The following SLIT3 variants were observed in gnomAD, a reference collection of about 807,000 sequenced individuals.
SLIT3 encodes slit guidance ligand 3, also known as slit homolog 3 protein.
Under a neutral mutation model 184.0 loss-of-function variants are expected in SLIT3, and 68 were observed. The ratio of observed to expected loss-of-function variants is 0.37; its 90% CI spans 0.30 to 0.45. The LOEUF (loss-of-function observed/expected upper bound fraction) is 0.45, where lower values mean the gene tolerates loss of function less well. Among genes scored for constraint, SLIT3 ranks in the 20% least tolerant of loss-of-function variants. The probability of loss-of-function intolerance (pLI) is 1.00; values close to 1 mark genes in which losing one functional copy is unlikely to be tolerated. For missense variants in SLIT3, 1,707 were observed against 2,026.0 expected (o/e 0.84, Z 3.02); for synonymous variants, 831 against 828.6 (o/e 1.00, Z -0.05).
At chr5:169,157,962 TA>T (rs35904066) in intron 4 of SLIT3, among the ~76,000 whole-genome samples, 9,786 of 142,954 alleles carry the variant, frequency 0.068, 457 homozygotes, top group African/African-American at 0.13. Flanking sequence ...AAAACAGAAT[TA>T]AAAAAAAAAA....
At chr5:169,063,569 A>G (rs1758247814) in intron 4 of SLIT3, among the ~76,000 whole-genome samples, 1 of 152,176 alleles carries the variant, frequency 6.6e-6, no homozygotes, top group African/African-American at 2.4e-5. Flanking sequence ...TTGCTCCACA[A>G]TCTATTCCAC....
chr5:169,055,942 A>C (rs1038524078), intron 4 of SLIT3, among the ~76,000 whole-genome samples: 4 of 152,240 alleles, frequency 2.6e-5, no homozygotes, highest in Non-Finnish European at 5.9e-5. Context: ...TTTATTCTAC[A>C]TACAATGGTA....
At chr5:168,742,194 T>C (rs1034123124) in intron 20 of SLIT3, among the ~76,000 whole-genome samples, 3 of 138,958 alleles carry the variant, frequency 2.2e-5, no homozygotes, top group Non-Finnish European at 4.6e-5. Context: ...GAAGAGATGC[T>C]GCTGAGTAGC....
At chr5:168,838,312 G>C (rs750505046) in intron 6 of SLIT3, among the ~76,000 whole-genome samples, 10 of 152,114 alleles carry the variant, frequency 6.6e-5, no homozygotes, top group Admixed American at 2.0e-4. Context: ...GTGAAATGCA[G>C]TTCCTAGGAT....
At chr5:168,759,321 T>G (rs545628796) in intron 16 of SLIT3, among the ~76,000 whole-genome samples, 1 of 152,326 alleles carries the variant, frequency 6.6e-6, no homozygotes, top group Non-Finnish European at 1.5e-5. Context: ...CCTTGTTATA[T>G]GTATGCTTCT....
At chr5:169,195,709 T>A (rs1763720172) in intron 3 of SLIT3, among the ~76,000 whole-genome samples, 1 of 152,120 alleles carries the variant, frequency 6.6e-6, no homozygotes, top group African/African-American at 2.4e-5. Flanking sequence ...GTATTTTTAG[T>A]AGAGACGGTT....
At chr5:168,856,364 C>T (rs147308103) in intron 5 of SLIT3, among the ~76,000 whole-genome samples, 11 of 152,186 alleles carry the variant, frequency 7.2e-5, no homozygotes, top group Admixed American at 2.0e-4. Flanking sequence ...AGATCTTACA[C>T]GATGAGATAG....
intron 4 of SLIT3, among the ~76,000 whole-genome samples, chr5:168,978,075 T>G (rs1254270555): frequency 6.6e-6 from 1 of 152,146 alleles, no homozygotes; most frequent in Non-Finnish European, 1.5e-5. Context: ...AGACACCTCA[T>G]CTGACAATCC....
At chr5:168,842,052 G>T (rs1198881533) in intron 6 of SLIT3, among the ~76,000 whole-genome samples, 1 of 152,092 alleles carries the variant, frequency 6.6e-6, no homozygotes, top group Non-Finnish European at 1.5e-5. Context: ...TCTTTATGGA[G>T]CCTAAATTGT....
At chr5:168,688,907 A>ACTT (rs1271899778) in intron 29 of SLIT3, among the ~76,000 whole-genome samples, 4 of 152,208 alleles carry the variant, frequency 2.6e-5, no homozygotes, top group Non-Finnish European at 5.9e-5. Flanking sequence ...GCTGGCCAAT[A>ACTT]CTTACAAGAT....
chr5:169,054,682 C>T (rs1177120788), intron 4 of SLIT3, among the ~76,000 whole-genome samples: 1 of 152,226 alleles, frequency 6.6e-6, no homozygotes, highest in Admixed American at 6.5e-5. Context: ...ACCCGTCTGC[C>T]TCTCCTACAG....
intron 4 of SLIT3, among the ~76,000 whole-genome samples, chr5:168,999,923 G>T (rs1022325433): frequency 6.6e-6 from 1 of 152,184 alleles, no homozygotes; most frequent in Non-Finnish European, 1.5e-5. Context: ...TCATGGCTTG[G>T]AGTAGGGAGA....
At position 168,785,137 on chromosome 5, in the gene SLIT3, G is replaced by GCACA. The variant is rs34278304; in HGVS notation, c.1151+766_1151+769dup. ...TGACAGAGCAAATGTGCACATGCAT[G>GCACA]CACACACACACACACACACTCCCAC... On this transcript the variant is annotated intron_variant, in intron 12 of 35. Coordinates refer to ENST00000519560, the MANE Select transcript of SLIT3 (RefSeq NM_003062.4). Among the ~76,000 whole-genome samples the GCACA allele has an allele frequency of 4.6e-3, 643 of 140,846 alleles. 4 individuals are homozygous for GCACA. The highest frequency in any genetic ancestry group is 0.016 in the African/African-American group (614 of 37,686). The allele number at this position is 140,846 out of a possible 152,430, so 92.4% of individuals were successfully genotyped here.
intron 28 of SLIT3, among the ~76,000 whole-genome samples, chr5:168,694,198 C>T (rs918826442): frequency 9.9e-5 from 15 of 152,156 alleles, no homozygotes; most frequent in African/African-American, 3.6e-4. Context: ...AATGCCTCCT[C>T]AGTACCCTCC....
intron 4 of SLIT3, among the ~76,000 whole-genome samples, chr5:169,071,594 C>T (rs1758551219): frequency 6.6e-6 from 1 of 152,196 alleles, no homozygotes; most frequent in Non-Finnish European, 1.5e-5. Context: ...TGAAGCTGTG[C>T]TCCATATTTC....
At chr5:169,081,458 C>T (rs1561650906) in intron 4 of SLIT3, among the ~76,000 whole-genome samples, 2 of 152,184 alleles carry the variant, frequency 1.3e-5, no homozygotes, top group South Asian at 4.1e-4. Context: ...AAACTCCTGG[C>T]CATTTTGCTG....
At chr5:168,691,199 C>A (rs1405686674) in intron 29 of SLIT3, among the ~76,000 whole-genome samples, 2 of 152,214 alleles carry the variant, frequency 1.3e-5, no homozygotes, top group Non-Finnish European at 2.9e-5. Flanking sequence ...CCCCACTATA[C>A]TCCACACAAT....
intron 16 of SLIT3, among the ~76,000 whole-genome samples, chr5:168,758,273 T>C (rs904870124): frequency 6.6e-6 from 1 of 152,228 alleles, no homozygotes; most frequent in Non-Finnish European, 1.5e-5. Flanking sequence ...ACACTCATGT[T>C]CCTATCAAAA....
At chr5:168,890,125 C>T (rs889825234) in intron 4 of SLIT3, among the ~76,000 whole-genome samples, 16 of 128,454 alleles carry the variant, frequency 1.2e-4, no homozygotes, top group African/African-American at 6.2e-5. Context: ...GGGTGACAAG[C>T]GAGACTCCAT....
Sources: allele counts gnomAD v4.1 joint callset (sites outside exome capture counted in the v4.1 genomes callset), GRCh38; gene constraint gnomAD v4.1.1; transcripts MANE v1.5; gene names NCBI Gene and HGNC (gene_info 2026-07-23, HGNC 2026-07-21).